Variants in TSPAN9 observed in about 807,000 individuals in gnomAD.
TSPAN9 encodes tetraspanin 9.
Under a neutral mutation model 31.0 loss-of-function variants are expected in TSPAN9, and 16 were observed. The ratio of observed to expected loss-of-function variants is 0.52; its 90% confidence interval spans 0.35 to 0.78. The LOEUF (loss-of-function observed/expected upper bound fraction) is 0.78, where lower values mean the gene tolerates loss of function less well. Among genes scored for constraint, TSPAN9 ranks in the 30% least tolerant of loss-of-function variants. The pLI, the probability that TSPAN9 is intolerant of heterozygous loss-of-function variation, is 0.01. For synonymous variants in TSPAN9, 145 were observed against 121.6 expected, an observed-to-expected ratio of 1.19 and a Z score of -1.27; for missense variants, 272 against 312.5, an observed-to-expected ratio of 0.87 and a Z score of 0.98.
intron 3 of TSPAN9, among the ~76,000 whole-genome samples, chr12:3,241,447 T>C (rs554702605): frequency 1.3e-5 from 2 of 152,370 alleles, no homozygotes; most frequent in Admixed American, 1.3e-4. Flanking sequence ...CAGTCATACA[T>C]GTGTCAATAT....
At chr12:3,213,206 G>A (rs2098379665) in intron 3 of TSPAN9, among the ~76,000 whole-genome samples, 1 of 152,186 alleles carries the variant, frequency 6.6e-6, no homozygotes, top group Non-Finnish European at 1.5e-5. Context: ...GGCTGGGCGG[G>A]CAACCTGGGG....
chr12:3,242,217 A>G (rs533170899), intron 3 of TSPAN9, among the ~76,000 whole-genome samples: 1 of 152,338 alleles, frequency 6.6e-6, no homozygotes, highest in East Asian at 1.9e-4. Context: ...CTGCTCTTTC[A>G]AAGTCATGAG....
intron 2 of TSPAN9, among the ~76,000 whole-genome samples, chr12:3,136,403 C>T (rs2153967353): frequency 6.6e-6 from 1 of 152,286 alleles, no homozygotes; most frequent in South Asian, 2.1e-4. Context: ...GTGGCTCTTC[C>T]TCAAATGCCT....
intron 2 of TSPAN9, among the ~76,000 whole-genome samples, chr12:3,171,370 T>C (rs765371908): frequency 1.3e-5 from 2 of 152,184 alleles, no homozygotes; most frequent in Non-Finnish European, 2.9e-5. Context: ...CCACAGAAAC[T>C]GTTTGCTATC....
intron 3 of TSPAN9, among the ~76,000 whole-genome samples, chr12:3,270,689 G>T (rs1291789811): frequency 1.3e-5 from 2 of 152,378 alleles, no homozygotes; most frequent in South Asian, 4.1e-4. Flanking sequence ...CTGGTGACTG[G>T]GCATTTATCC....
chr12:3,140,554 G>A (rs1345872118), intron 2 of TSPAN9, among the ~76,000 whole-genome samples: 1 of 152,172 alleles, frequency 6.6e-6, no homozygotes, highest in African/African-American at 2.4e-5. Context: ...GGGTTTCTTA[G>A]GAGCAGCTGA....
chr12:3,215,829 C>T (rs976992713), intron 3 of TSPAN9, among the ~76,000 whole-genome samples: 5 of 152,110 alleles, frequency 3.3e-5, no homozygotes, highest in Non-Finnish European at 7.4e-5. Flanking sequence ...GTCCAGAGCA[C>T]GTTCCACCGG....
chr12:3,092,584 C>T (rs1354472869), intron 2 of TSPAN9, among the ~76,000 whole-genome samples: 3 of 152,164 alleles, frequency 2.0e-5, no homozygotes, highest in Non-Finnish European at 2.9e-5. Flanking sequence ...ACAGCCAGAG[C>T]CCCCTGAGAG....
At chr12:3,081,907 G>C (rs2098298139) in intron 1 of TSPAN9, among the ~76,000 whole-genome samples, 1 of 149,718 alleles carries the variant, frequency 6.7e-6, no homozygotes, top group Admixed American at 6.7e-5. Context: ...GGAGGTGGAA[G>C]GATCGCTTGA....
chr12:3,116,275 A>G (rs2098322373), intron 2 of TSPAN9, among the ~76,000 whole-genome samples: 1 of 152,160 alleles, frequency 6.6e-6, no homozygotes, highest in Non-Finnish European at 1.5e-5. Flanking sequence ...TGGGGTTCAC[A>G]AACAAGTTCT....
At position 3,284,935 on chromosome 12, in the gene TSPAN9, G is replaced by T. The variant is rs1257874866; in HGVS notation, c.*1819G>T. 1 of 152,234 alleles carries T rather than the reference G, an allele frequency of 6.6e-6. No homozygotes were observed. Among genetic ancestry groups the T allele is most frequent in the African/African-American group, 2.4e-5 (1 of 41,444 alleles). The allele number at this position is 152,234 out of a possible 1,614,324, so 9.4% of individuals were successfully genotyped here. On this transcript the variant is annotated 3_prime_UTR_variant, in exon 9 of 9. Coordinates refer to ENST00000011898, the MANE Select transcript of TSPAN9 (RefSeq NM_006675.5). ...TTCACCTTAAGTAACACACAAATCG[G>T]GAACAGGAGGACAGAACCGTTGGCA...
intron 2 of TSPAN9, among the ~76,000 whole-genome samples, chr12:3,138,645 A>AGGGG (rs150796927): frequency 1.3e-5 from 2 of 151,106 alleles, no homozygotes; most frequent in Non-Finnish European, 2.9e-5. Context: ...AAAAAAAAAA[A>AGGGG]GGACTTTTTT....
chr12:3,174,879 G>A (rs2098354554), intron 2 of TSPAN9, among the ~76,000 whole-genome samples: 1 of 152,222 alleles, frequency 6.6e-6, no homozygotes, highest in East Asian at 1.9e-4. Flanking sequence ...ACCGCACCCG[G>A]CCTCAGCTGT....
intron 2 of TSPAN9, among the ~76,000 whole-genome samples, chr12:3,109,307 A>AGAGAGAGAGAGAGAGT (rs560687812): frequency 1.6e-4 from 23 of 143,314 alleles, no homozygotes; most frequent in African/African-American, 5.8e-4. Flanking sequence ...TGTGAGAGAG[A>AGAGAGAGAGAGAGAGT]GTGTGTGTGT....
chr12:3,210,560 A>C (rs1003476148), intron 3 of TSPAN9, among the ~76,000 whole-genome samples: 1 of 152,146 alleles, frequency 6.6e-6, no homozygotes, highest in Non-Finnish European at 1.5e-5. Context: ...CTAATGTGTT[A>C]ATTAAATGTA....
intron 3 of TSPAN9, among the ~76,000 whole-genome samples, chr12:3,265,477 A>AT: frequency 6.6e-6 from 1 of 152,324 alleles, no homozygotes; most frequent in South Asian, 2.1e-4. Context: ...TACAGGTGCA[A>AT]AAAGGTCCAC....
chr12:3,126,841 C>G (rs1432853667), intron 2 of TSPAN9, among the ~76,000 whole-genome samples: 1 of 152,058 alleles, frequency 6.6e-6, no homozygotes, highest in African/African-American at 2.4e-5. Context: ...TGGGATTGCA[C>G]CACTGCACTC....
chr12:3,237,590 C>A (rs1002261574), intron 3 of TSPAN9, among the ~76,000 whole-genome samples: 2 of 151,046 alleles, frequency 1.3e-5, no homozygotes, highest in Non-Finnish European at 3.0e-5. Flanking sequence ...AGGGGCAGTG[C>A]TCTTAGCCCA....
chr12:3,165,246 A>T (rs913350163), intron 2 of TSPAN9, among the ~76,000 whole-genome samples: 6 of 152,152 alleles, frequency 3.9e-5, no homozygotes, highest in Admixed American at 1.3e-4. Flanking sequence ...TCCTCAGTGC[A>T]TCTAGATCTT....
Sources: gnomAD v4.1 joint callset for allele counts (sites outside exome capture counted in the v4.1 genomes callset) on GRCh38, gnomAD v4.1.1 for gene constraint, MANE v1.5 for transcripts, NCBI Gene and HGNC (gene_info 2026-07-23, HGNC 2026-07-21) for gene names.